The following ARHGAP28 variants were observed in gnomAD, a reference collection of about 807,000 sequenced individuals.
ARHGAP28 encodes Rho GTPase activating protein 28.
Under a neutral mutation model 90.7 loss-of-function variants are expected in ARHGAP28, and 56 were observed. That is an observed-to-expected ratio of 0.62 (90% confidence interval 0.50 to 0.77). The LOEUF (loss-of-function observed/expected upper bound fraction) is 0.77. ARHGAP28 is among the 30% of genes least tolerant of loss of function. ARHGAP28 has a pLI of 0.00. For missense variants in ARHGAP28, 869 were observed against 900.9 expected, an observed-to-expected ratio of 0.96 and a Z score of 0.45; for synonymous variants, 308 against 323.3, an observed-to-expected ratio of 0.95 and a Z score of 0.51.
At chr18:6,872,761 A>G (rs2057099941) in intron 7 of ARHGAP28, among the ~76,000 whole-genome samples, 2 of 152,242 alleles carry the variant, frequency 1.3e-5, no homozygotes, top group Admixed American at 6.5e-5. Context: ...GTGTGAAAAT[A>G]GAGAATATGT....
intron 1 of ARHGAP28, among the ~76,000 whole-genome samples, chr18:6,800,399 C>A (rs574172921): frequency 3.3e-5 from 5 of 152,274 alleles, no homozygotes; most frequent in African/African-American, 9.6e-5. Context: ...ACTATAAAGA[C>A]ACATGCACAC....
At chr18:6,884,000 G>T (rs561400425) in intron 11 of ARHGAP28, among the ~76,000 whole-genome samples, 1 of 152,206 alleles carries the variant, frequency 6.6e-6, no homozygotes, top group African/African-American at 2.4e-5. Context: ...CTGTTTTTCT[G>T]TTGAGGTGAC....
chr18:6,861,250 A>T (rs1314618914), intron 5 of ARHGAP28, among the ~76,000 whole-genome samples: 3 of 151,958 alleles, frequency 2.0e-5, no homozygotes, highest in Non-Finnish European at 1.5e-5. Flanking sequence ...TCCCCTCTTC[A>T]TGCGCATCTC....
At chr18:6,900,459 G>A (rs2057332448) in intron 16 of ARHGAP28, among the ~76,000 whole-genome samples, 1 of 152,158 alleles carries the variant, frequency 6.6e-6, no homozygotes, top group Non-Finnish European at 1.5e-5. Flanking sequence ...CAAAGAAATA[G>A]ATGTTCTTTA....
intron 1 of ARHGAP28, among the ~76,000 whole-genome samples, chr18:6,751,726 C>T (rs1051242759): frequency 3.9e-5 from 6 of 152,212 alleles, no homozygotes; most frequent in Non-Finnish European, 5.9e-5. Context: ...CTGGCAACAG[C>T]AGTTGCTCCC....
At chr18:6,733,042 C>T (rs9949697) in intron 1 of ARHGAP28, among the ~76,000 whole-genome samples, 4,768 of 152,118 alleles carry the variant, frequency 0.031, 252 homozygotes, top group African/African-American at 0.11. Context: ...ATCTTGCAAC[C>T]GAAGAATCAA....
intron 1 of ARHGAP28, among the ~76,000 whole-genome samples, chr18:6,762,473 T>C (rs987328936): frequency 2.0e-5 from 3 of 152,240 alleles, no homozygotes; most frequent in African/African-American, 4.8e-5. Flanking sequence ...TTCAACATGC[T>C]ACGCATCCTC....
chr18:6,793,920 GA>G (rs2056423520), intron 1 of ARHGAP28, among the ~76,000 whole-genome samples: 1 of 152,118 alleles, frequency 6.6e-6, no homozygotes, highest in Admixed American at 6.6e-5. Context: ...GAAGAGGAGA[GA>G]GAGGTTATAC....
At chr18:6,889,756 A>T (rs1394977866) in intron 12 of ARHGAP28, 132 bp from the exon 13 acceptor site, 2 of 778,088 alleles carry the variant, frequency 2.6e-6, no homozygotes, top group African/African-American at 3.4e-5. Context: ...GAGGGGAAAC[A>T]TGGTACGTTT....
intron 6 of ARHGAP28, among the ~76,000 whole-genome samples, chr18:6,870,231 A>G (rs2057072542): frequency 6.6e-6 from 1 of 152,204 alleles, no homozygotes; most frequent in African/African-American, 2.4e-5. Context: ...TAACAGTGAC[A>G]TTGGGTCTAG....
At chr18:6,816,931 C>CA (rs978936822) in intron 1 of ARHGAP28, among the ~76,000 whole-genome samples, 26 of 149,814 alleles carry the variant, frequency 1.7e-4, no homozygotes, top group Admixed American at 1.0e-3. Context: ...GTACTAAAAA[C>CA]AAAAAAAAAT....
At chr18:6,907,543 A>G (rs1417388654) in intron 16 of ARHGAP28, among the ~76,000 whole-genome samples, 2 of 152,204 alleles carry the variant, frequency 1.3e-5, no homozygotes, top group African/African-American at 2.4e-5. Flanking sequence ...AAAAAAGGCA[A>G]TACAAAAATG....
Position 6,869,323 on chromosome 18 carries a change from C to T in ARHGAP28, c.811+1089C>T, listed in dbSNP as rs185312978. Among the ~76,000 whole-genome samples the T allele has an allele frequency of 1.0e-3, 147 of 141,218 alleles. 2 individuals are homozygous for T. Among genetic ancestry groups the T allele is most frequent in the African/African-American group, 3.8e-3 (142 of 37,824 alleles). 92.6% of individuals were successfully genotyped at this position (141,218 alleles called of 152,430 possible). A position where few individuals can be genotyped will look rare whatever the true frequency, so the allele number is the denominator to read the frequency against. ...TCACTCAGGCTGGAGTGCAGTAGCACGATCTCAGCTCACTGCAGCCTCTGC... is the reference window on the plus strand; with the variant it reads ...TCACTCAGGCTGGAGTGCAGTAGCATGATCTCAGCTCACTGCAGCCTCTGC... On this transcript the variant is annotated intron_variant, in intron 6 of 17. Transcript: ENST00000383472.
chr18:6,881,457 TC>T (rs2057177344), intron 10 of ARHGAP28, among the ~76,000 whole-genome samples: 1 of 152,150 alleles, frequency 6.6e-6, no homozygotes, highest in African/African-American at 2.4e-5. Context: ...GCATTGATAA[TC>T]AGATGAATTC....
intron 1 of ARHGAP28, among the ~76,000 whole-genome samples, chr18:6,810,142 C>G (rs1465211442): frequency 6.6e-6 from 1 of 152,058 alleles, no homozygotes; most frequent in Admixed American, 6.5e-5. Flanking sequence ...GTATGAATTC[C>G]AAAGCATCTA....
At chr18:6,859,959 T>C (rs912740177) in intron 5 of ARHGAP28, 62 bp downstream of exon 5, 43 of 1,395,338 alleles carry the variant, frequency 3.1e-5, no homozygotes, top group Non-Finnish European at 4.3e-5. Flanking sequence ...AAGCAACTAA[T>C]GTAGGAAGGT....
chr18:6,735,574 A>C (rs1223083473), intron 1 of ARHGAP28, among the ~76,000 whole-genome samples: 1 of 121,714 alleles, frequency 8.2e-6, no homozygotes, highest in Non-Finnish European at 1.7e-5. Context: ...TTTTTTTTTG[A>C]GCCAAGGTCT....
intron 1 of ARHGAP28, among the ~76,000 whole-genome samples, chr18:6,812,964 A>G (rs547708675): frequency 6.6e-6 from 1 of 152,226 alleles, no homozygotes. Flanking sequence ...CAAGGAATTC[A>G]TCTGATGATG....
intron 1 of ARHGAP28, among the ~76,000 whole-genome samples, chr18:6,767,531 G>A (rs1054714441): frequency 4.6e-5 from 7 of 151,696 alleles, no homozygotes; most frequent in African/African-American, 1.7e-4. Flanking sequence ...GCTTTTGTTT[G>A]TCTAAAAAAG....
Sources: allele counts gnomAD v4.1 joint callset (sites outside exome capture counted in the v4.1 genomes callset), GRCh38; gene constraint gnomAD v4.1.1; transcripts MANE v1.5; gene names NCBI Gene and HGNC (gene_info 2026-07-23, HGNC 2026-07-21).